The following LDB2 variants were observed in gnomAD, a reference collection of about 807,000 sequenced individuals.
LDB2 encodes LIM domain binding 2.
LDB2 carries 12 observed loss-of-function variants against 44.3 expected under a neutral mutation model. The observed-to-expected ratio is 0.27, with a 90% CI of 0.17 to 0.44. LDB2 has a LOEUF of 0.44. Among genes scored for constraint, LDB2 ranks in the 20% least tolerant of loss-of-function variants. LDB2 has a pLI of 1.00. For synonymous variants in LDB2, 164 were observed against 174.8 expected, an observed-to-expected ratio of 0.94 and a Z score of 0.49; for missense variants, 344 against 473.5, an observed-to-expected ratio of 0.73 and a Z score of 2.54.
Position 16,602,843 on chromosome 4 carries a change from T to A in LDB2, c.236-6968A>T, listed in dbSNP as rs139724540. Reference sequence around the variant, plus strand: ...GCTTTGGATCAAGCAATTCTTAGCATCATTAATTCACCAATTAAGGGCATG... The same window carrying A: ...GCTTTGGATCAAGCAATTCTTAGCAACATTAATTCACCAATTAAGGGCATG... On this transcript the variant is annotated intron_variant, in intron 2 of 7. Transcript: ENST00000304523. Among the ~76,000 whole-genome samples, 32 of 152,294 alleles carry A rather than the reference T, an allele frequency of 2.1e-4. No homozygotes were observed. In the East Asian group the frequency reaches 6.2e-3, roughly 29 times the overall value.
intron 1 of LDB2, among the ~76,000 whole-genome samples, chr4:16,897,067 G>A (rs575031111): frequency 7.3e-4 from 111 of 152,274 alleles, no homozygotes; most frequent in African/African-American, 2.5e-3. Context: ...ATACATATAA[G>A]TCCTTGTCCA....
chr4:16,718,493 T>C (rs1044365266), intron 2 of LDB2, among the ~76,000 whole-genome samples: 1 of 152,152 alleles, frequency 6.6e-6, no homozygotes, highest in Non-Finnish European at 1.5e-5. Context: ...TTAACCCACA[T>C]GGGCAAAAAT....
chr4:16,883,681 C>A (rs897952630), intron 1 of LDB2, among the ~76,000 whole-genome samples: 1 of 152,206 alleles, frequency 6.6e-6, no homozygotes, highest in Non-Finnish European at 1.5e-5. Flanking sequence ...TCTCCCTTGC[C>A]TCCCTGCCAC....
chr4:16,734,227 C>T (rs1227659080), intron 2 of LDB2, among the ~76,000 whole-genome samples: 4 of 152,166 alleles, frequency 2.6e-5, no homozygotes, highest in East Asian at 1.9e-4. Flanking sequence ...AAAAAAATGG[C>T]TAGTTAAGTC....
chr4:16,774,493 T>C (rs751244486), intron 1 of LDB2, among the ~76,000 whole-genome samples: 30 of 152,196 alleles, frequency 2.0e-4, no homozygotes, highest in South Asian at 4.1e-4. Flanking sequence ...CTTCTTTGGG[T>C]TGTTTTCTGT....
At chr4:16,700,355 T>A (rs545809050) in intron 2 of LDB2, among the ~76,000 whole-genome samples, 1 of 152,148 alleles carries the variant, frequency 6.6e-6, no homozygotes, top group Non-Finnish European at 1.5e-5. Context: ...CCCAAAAATA[T>A]AAATGTTTTA....
At chr4:16,637,884 G>A (rs1280760960) in intron 2 of LDB2, among the ~76,000 whole-genome samples, 1 of 152,096 alleles carries the variant, frequency 6.6e-6, no homozygotes, top group Admixed American at 6.5e-5. Flanking sequence ...AAAAGAGAGG[G>A]GGCACAGGGT....
At chr4:16,887,161 T>C (rs1304626144) in intron 1 of LDB2, among the ~76,000 whole-genome samples, 1 of 147,780 alleles carries the variant, frequency 6.8e-6, no homozygotes, top group African/African-American at 2.5e-5. Context: ...GCTTGGTAAG[T>C]GTGTTTGGAT....
intron 2 of LDB2, among the ~76,000 whole-genome samples, chr4:16,680,317 C>G (rs181297234): frequency 2.6e-5 from 4 of 151,618 alleles, no homozygotes; most frequent in Admixed American, 6.6e-5. Flanking sequence ...AACGAAGACA[C>G]CTTTCTCCTG....
At chr4:16,897,910 A>ATATACACATATG (rs1725601021) in intron 1 of LDB2, among the ~76,000 whole-genome samples, 1 of 15,446 alleles carries the variant, frequency 6.5e-5, no homozygotes. Flanking sequence ...ATATATATAT[A>ATATACACATATG]TATATATATA....
chr4:16,523,384 G>T (rs576589545), intron 5 of LDB2, among the ~76,000 whole-genome samples: 1 of 152,042 alleles, frequency 6.6e-6, no homozygotes, highest in Non-Finnish European at 1.5e-5. Context: ...GTCACTTCAG[G>T]ACTCTTTTTC....
intron 5 of LDB2, among the ~76,000 whole-genome samples, chr4:16,581,995 A>AGGAAG (rs780097375): frequency 1.4e-5 from 1 of 69,584 alleles, no homozygotes; most frequent in Non-Finnish European, 3.9e-5. Flanking sequence ...AAGGAAGGGA[A>AGGAAG]GGAAGGGAAG....
At chr4:16,777,550 G>T (rs1328159419) in intron 1 of LDB2, among the ~76,000 whole-genome samples, 3 of 152,130 alleles carry the variant, frequency 2.0e-5, no homozygotes, top group African/African-American at 4.8e-5. Context: ...CAAGATGTGG[G>T]TTCTTTTCCT....
intron 5 of LDB2, among the ~76,000 whole-genome samples, chr4:16,522,941 TG>T (rs924552334): frequency 6.6e-6 from 1 of 152,218 alleles, no homozygotes; most frequent in African/African-American, 2.4e-5. Context: ...AGCAAATTTA[TG>T]GTAAGTTTTA....
chr4:16,790,554 C>T (rs933804505), intron 1 of LDB2, among the ~76,000 whole-genome samples: 34 of 152,156 alleles, frequency 2.2e-4, no homozygotes, highest in Non-Finnish European at 2.4e-4. Flanking sequence ...GGTTTGTGTA[C>T]GTACACTCCA....
chr4:16,579,090 G>C (rs1425472295), intron 5 of LDB2, among the ~76,000 whole-genome samples: 1 of 152,126 alleles, frequency 6.6e-6, no homozygotes, highest in Non-Finnish European at 1.5e-5. Flanking sequence ...TGCCCAAACA[G>C]AGTTAGAAAG....
intron 1 of LDB2, among the ~76,000 whole-genome samples, chr4:16,782,233 A>G: frequency 6.6e-6 from 1 of 151,826 alleles, no homozygotes; most frequent in East Asian, 1.9e-4. Flanking sequence ...CTTTCTCTCC[A>G]TCTCCACTCT....
At chr4:16,830,148 T>A (rs1465817052) in intron 1 of LDB2, among the ~76,000 whole-genome samples, 1 of 152,046 alleles carries the variant, frequency 6.6e-6, no homozygotes, top group Non-Finnish European at 1.5e-5. Flanking sequence ...GAAAAACACA[T>A]ACACATATTG....
intron 2 of LDB2, among the ~76,000 whole-genome samples, chr4:16,655,922 T>G (rs1327570225): frequency 7.0e-6 from 1 of 142,246 alleles, no homozygotes; most frequent in Non-Finnish European, 1.5e-5. Flanking sequence ...TTTTTTGAGA[T>G]GGAGTCTCGC....
Sources: allele counts gnomAD v4.1 joint callset (sites outside exome capture counted in the v4.1 genomes callset), GRCh38; gene constraint gnomAD v4.1.1; transcripts MANE v1.5; gene names NCBI Gene and HGNC (gene_info 2026-07-23, HGNC 2026-07-21).